The following EMC2 variants were observed in gnomAD, a reference collection of about 807,000 sequenced individuals.
EMC2 encodes ER membrane protein complex subunit 2, also known as TPR repeat protein 35.
EMC2 carries 37 observed loss-of-function variants against 51.6 expected under a neutral mutation model. The ratio of observed to expected loss-of-function variants is 0.72; its 90% CI spans 0.55 to 0.94. The LOEUF (loss-of-function observed/expected upper bound fraction) is 0.94, where lower values mean the gene tolerates loss of function less well. EMC2 is among the 40% of genes least tolerant of loss of function. The pLI, the probability that EMC2 is intolerant of heterozygous loss-of-function variation, is 0.00. For synonymous variants in EMC2, 131 were observed against 112.4 expected (o/e 1.17, Z -1.04); for missense variants, 359 against 350.9 (o/e 1.02, Z -0.18).
At chr8:108,457,179 T>C (rs1256396969) in intron 5 of EMC2, among the ~76,000 whole-genome samples, 1 of 152,192 alleles carries the variant, frequency 6.6e-6, no homozygotes, top group Non-Finnish European at 1.5e-5. Context: ...GATACTTATG[T>C]ATTATAGTAG....
At chr8:108,460,142 C>T (rs917409944) in intron 5 of EMC2, among the ~76,000 whole-genome samples, 1 of 152,176 alleles carries the variant, frequency 6.6e-6, no homozygotes, top group Non-Finnish European at 1.5e-5. Context: ...AAAACAACTT[C>T]TGAATTTTAT....
chr8:108,451,288 TAGGAACG>T (rs1159400648), intron 3 of EMC2, among the ~76,000 whole-genome samples: 1 of 152,226 alleles, frequency 6.6e-6, no homozygotes, highest in African/African-American at 2.4e-5. Context: ...GGACTCATGC[TAGGAACG>T]AAGCTAAATG....
chr8:108,469,826 G>T lies in EMC2; in HGVS notation c.364G>T (p.Ala122Ser). 1.2e-6 allele frequency: 2 copies of T among 1,612,906 alleles called. No homozygotes were observed. The highest frequency in any genetic ancestry group is 1.7e-6 in the Non-Finnish European group (2 of 1,179,084). ...RILQEDPTNT[A>S]ARKRKIAIRK... is the part of the protein sequence containing the mutation. ...ATCCTTTATTAATGTCAACCCACAGGCTGCAAGAAAGCGTAAGATTGCCAT... is the reference window on the plus strand; with the variant it reads ...ATCCTTTATTAATGTCAACCCACAGTCTGCAAGAAAGCGTAAGATTGCCAT... The change falls in exon 6 of 11, where the codon GCT (alanine) becomes TCT (serine). Residue 122 changes from alanine (A) to serine (S), a missense_variant and splice_region_variant. Ala to Ser is a moderately conservative substitution (Grantham distance 99). Transcript: ENST00000220853.
chr8:108,475,743 T>G (rs1355743474), intron 7 of EMC2, 139 bp from the exon 8 acceptor site: 1 of 544,054 alleles, frequency 1.8e-6, no homozygotes, highest in Non-Finnish European at 3.3e-6. Context: ...GACAAATACT[T>G]TATTAATAAA....
chr8:108,486,371 GA>G (rs1305045411), intron 10 of EMC2, 140 bp from the exon 11 acceptor site: 27 of 1,240,580 alleles, frequency 2.2e-5, no homozygotes, highest in Non-Finnish European at 2.8e-5. Flanking sequence ...TATTCTTATT[GA>G]AAAAGCAAAG....
chr8:108,479,685 C>T (rs1438885403), intron 10 of EMC2, among the ~76,000 whole-genome samples: 1 of 152,034 alleles, frequency 6.6e-6, no homozygotes, highest in African/African-American at 2.4e-5. Flanking sequence ...TGTCTATAGC[C>T]TTTATATTTA....
At chr8:108,486,089 G>A (rs981399445) in intron 10 of EMC2, among the ~76,000 whole-genome samples, 1 of 151,838 alleles carries the variant, frequency 6.6e-6, no homozygotes, top group African/African-American at 2.4e-5. Flanking sequence ...TATTTGTATT[G>A]TACCTTTGTT....
At chr8:108,478,143 A>G (rs570359888) in intron 9 of EMC2, among the ~76,000 whole-genome samples, 1 of 152,130 alleles carries the variant, frequency 6.6e-6, no homozygotes, top group Non-Finnish European at 1.5e-5. Flanking sequence ...GAAAGAGCCT[A>G]TAGCACAGGC....
intron 5 of EMC2, among the ~76,000 whole-genome samples, chr8:108,458,927 G>T (rs111912571): frequency 6.6e-6 from 1 of 151,960 alleles, no homozygotes; most frequent in Non-Finnish European, 1.5e-5. Flanking sequence ...AAAACTGAAT[G>T]CCTTTAACAG....
intron 1 of EMC2, among the ~76,000 whole-genome samples, chr8:108,447,034 CTAT>C (rs1373794070): frequency 6.6e-6 from 1 of 152,132 alleles, no homozygotes; most frequent in Admixed American, 6.5e-5. Flanking sequence ...GTTCTCTTTC[CTAT>C]GAGTGTTTTT....
chr8:108,447,319 G>T (rs1232459571), intron 1 of EMC2, among the ~76,000 whole-genome samples: 1 of 150,802 alleles, frequency 6.6e-6, no homozygotes, highest in Non-Finnish European at 1.5e-5. Context: ...AGCTCTGTGT[G>T]CATTAAAATA....
At chr8:108,468,846 CCTGA>C (rs1810792984) in intron 5 of EMC2, among the ~76,000 whole-genome samples, 3 of 152,200 alleles carry the variant, frequency 2.0e-5, no homozygotes, top group South Asian at 4.1e-4. Flanking sequence ...TGCTCCAGTC[CCTGA>C]CTGTTTACTT....
chr8:108,456,332 C>CAAAAAAAAAAAAAAAAAAAAA (rs869162246), intron 5 of EMC2, among the ~76,000 whole-genome samples: 8 of 23,608 alleles, frequency 3.4e-4, no homozygotes, highest in Non-Finnish European at 5.4e-4. Flanking sequence ...GACTTCGTGT[C>CAAAAAAAAAAAAAAAAAAAAA]AAAAAAAAAA....
At chr8:108,451,841 C>T (rs1338589847) in intron 3 of EMC2, among the ~76,000 whole-genome samples, 1 of 152,138 alleles carries the variant, frequency 6.6e-6, no homozygotes, top group Non-Finnish European at 1.5e-5. Context: ...AGTTAGCTTG[C>T]TTGACTGACC....
Position 108,449,885 on chromosome 8 carries a change from G to A in EMC2, c.103G>A (p.Glu35Lys). The change falls in exon 2 of 11, where the codon GAA becomes AAA. Residue 35 changes from glutamate (E) to lysine (K), a missense_variant. By Grantham distance (56) the Glu-to-Lys change is moderately conservative. Transcript: ENST00000220853. ...ENSRNSEQIVEVGEELINEYA... is the reference protein window; with the variant it reads ...ENSRNSEQIVKVGEELINEYA... ...CTCAAGAAATAGTGAGCAAATTGTG[G>A]AAGTTGGAGAAGAATTAATTAATGA... The A allele has an allele frequency of 6.3e-7, 1 of 1,595,974 alleles. No individual in the cohort carries two copies. Among genetic ancestry groups the A allele is most frequent in the Non-Finnish European group, 8.6e-7 (1 of 1,165,028 alleles).
chr8:108,484,552 A>G (rs1811101683), intron 10 of EMC2, among the ~76,000 whole-genome samples: 1 of 152,020 alleles, frequency 6.6e-6, no homozygotes, highest in Non-Finnish European at 1.5e-5. Flanking sequence ...GTATTTAAAA[A>G]TACATGTTAT....
intron 5 of EMC2, among the ~76,000 whole-genome samples, chr8:108,458,082 A>T (rs905674120): frequency 6.6e-6 from 1 of 152,202 alleles, no homozygotes; most frequent in African/African-American, 2.4e-5. Context: ...GGGGCAGTGG[A>T]ATCTTAAAGC....
At chr8:108,470,857 A>G (rs1810841736) in intron 7 of EMC2, 1 of 152,070 alleles carries the variant, frequency 6.6e-6, no homozygotes, top group African/African-American at 2.4e-5. Flanking sequence ...TTGACAGAAT[A>G]GAATCAGATT....
chr8:108,472,829 A>G (rs1467018348), intron 7 of EMC2, among the ~76,000 whole-genome samples: 1 of 151,992 alleles, frequency 6.6e-6, no homozygotes, highest in Admixed American at 6.6e-5. Context: ...AACAGTTGTA[A>G]GCTTTTTTAA....
Sources: gnomAD v4.1 joint callset for allele counts (sites outside exome capture counted in the v4.1 genomes callset) on GRCh38, gnomAD v4.1.1 for gene constraint, MANE v1.5 for transcripts, NCBI Gene and HGNC (gene_info 2026-07-23, HGNC 2026-07-21) for gene names.